CYP4B1: variants seen among roughly 807,000 people sequenced by gnomAD.
The protein encoded by CYP4B1 is cytochrome P450 family 4 subfamily B member 1, also known as cytochrome P450 4B1.
Under a neutral mutation model 54.0 loss-of-function variants are expected in CYP4B1, and 45 were observed. That is an observed-to-expected ratio of 0.83 (90% CI 0.66 to 1.07). The LOEUF (loss-of-function observed/expected upper bound fraction) is 1.07. Among genes scored for constraint, CYP4B1 ranks in the 50% least tolerant of loss-of-function variants. The pLI, the probability that CYP4B1 is intolerant of heterozygous loss-of-function variation, is 0.00. For missense variants in CYP4B1, 656 were observed against 655.4 expected, an observed-to-expected ratio of 1.00 and a Z score of -0.01; for synonymous variants, 248 against 247.5, an observed-to-expected ratio of 1.00 and a Z score of -0.02.
At position 46,810,817 on chromosome 1, in the gene CYP4B1, A is replaced by G. The variant is rs761418263; in HGVS notation, c.190A>G (p.Thr64Ala). ...LFGHALEIQE[T>A]GSLDKVVSWA... ...TCTGTCATCATTTCAGATCCAGGAG[A>G]CGGGGAGCCTGGACAAAGTGGTGTC... The change falls in exon 2 of 12, where the codon ACG becomes GCG. Residue 64 changes from threonine to alanine, a missense_variant. Transcript: ENST00000371923. 1.4e-5 allele frequency: 22 copies of G among 1,613,964 alleles called. 1 individual carries two copies. The highest frequency in any genetic ancestry group is 1.6e-4 in the Middle Eastern group (1 of 6,084).
In CYP4B1 at chr1:46,817,083, G is replaced by C. The variant is rs59694031; in HGVS notation, c.1109G>C (p.Cys370Ser). 3,623 of 1,614,120 alleles carry C rather than the reference G, an allele frequency of 2.2e-3. 88 individuals are homozygous for C. The African/African-American group carries it at 0.042, about 19-fold the overall frequency. ...GGCAAAATGACTTATCTGACCATGTGCATCAAGGAGAGCTTCCGCCTCTAC... is the reference window on the plus strand; with the variant it reads ...GGCAAAATGACTTATCTGACCATGTCCATCAAGGAGAGCTTCCGCCTCTAC... ...DLGKMTYLTMCIKESFRLYPP... is the reference protein window; with the variant it reads ...DLGKMTYLTMSIKESFRLYPP... The change falls in exon 9 of 12, where the codon TGC (cysteine) becomes TCC (serine). Residue 370 changes from cysteine to serine, a missense_variant. Coordinates refer to ENST00000371923, the MANE Select transcript of CYP4B1 (RefSeq NM_001099772.2).
At chr1:46,807,246 T>C (rs1678897112) in intron 1 of CYP4B1, among the ~76,000 whole-genome samples, 1 of 152,204 alleles carries the variant, frequency 6.6e-6, no homozygotes, top group African/African-American at 2.4e-5. Context: ...GTGGTCAGCA[T>C]GAGACCAGGG....
In CYP4B1 at chr1:46,818,902, C is replaced by T; in HGVS notation, c.*88C>T. On this transcript the variant is annotated 3_prime_UTR_variant, in exon 12 of 12. Transcript: ENST00000371923. The stretch of plus-strand genomic sequence containing the variant: ...AGGCTGGGTGTGGAGGAGTTGGGGC[C>T]CCCTGCCTTCAGGAGGCTTGTAGTT... The T allele has an allele frequency of 3.8e-6, 5 of 1,307,374 alleles. No homozygotes were observed. Among genetic ancestry groups the T allele is most frequent in the Non-Finnish European group, 5.3e-6 (5 of 936,212 alleles). The allele number at this position is 1,307,374 out of a possible 1,614,324, so 81.0% of individuals were successfully genotyped here. A position where few individuals can be genotyped will look rare whatever the true frequency, so the allele number is the denominator to read the frequency against.
At chr1:46,808,080 A>G (rs1013532650) in intron 1 of CYP4B1, among the ~76,000 whole-genome samples, 5 of 152,158 alleles carry the variant, frequency 3.3e-5, no homozygotes, top group Admixed American at 1.3e-4. Flanking sequence ...GGAAACTGCT[A>G]TTCATGAGGA....
Position 46,813,909 on chromosome 1 carries a change from C to A in CYP4B1, c.621C>A (p.Ser207Arg), listed in dbSNP as rs188313819. 20 of 1,614,034 alleles carry A rather than the reference C, an allele frequency of 1.2e-5. No individual in the cohort carries two copies. Among genetic ancestry groups the A allele is most frequent in the Middle Eastern group, 1.6e-4 (1 of 6,062 alleles). The change falls in exon 6 of 12, where the codon AGC (serine) becomes AGA (arginine). Residue 207 changes from serine to arginine, a missense_variant and splice_region_variant. Transcript: ENST00000371923. ...ATCCCTCCTCCTACCCTCTGCTTAG[C>A]AGGGACAGCAGCTACTACCTTGCAG... ...FGRGDTGLGH[S>R]RDSSYYLAVS... is the part of the protein sequence containing the mutation.
intron 11 of CYP4B1, 55 bp from the exon 12 acceptor site, chr1:46,818,576 T>A: frequency 6.5e-7 from 1 of 1,548,174 alleles, no homozygotes; most frequent in Non-Finnish European, 8.9e-7. Context: ...GAGCACTGAA[T>A]GTCATCACTC....
At chr1:46,815,756 C>T (rs891304028) in intron 8 of CYP4B1, among the ~76,000 whole-genome samples, 9 of 152,186 alleles carry the variant, frequency 5.9e-5, no homozygotes, top group Non-Finnish European at 1.5e-5. Context: ...TAAAAACTTT[C>T]CATTGTTTTC....
chr1:46,815,319 C>T, intron 8 of CYP4B1, 55 bp downstream of exon 8: 1 of 1,459,548 alleles, frequency 6.9e-7, no homozygotes, highest in Non-Finnish European at 9.2e-7. Context: ...AAGGGCGATG[C>T]CCATCCTGTC....
intron 9 of CYP4B1, 72 bp downstream of exon 9, chr1:46,817,253 C>A: frequency 6.3e-7 from 1 of 1,580,846 alleles, no homozygotes; most frequent in South Asian, 1.1e-5. Context: ...TGCCTTTAGT[C>A]AAATCTTTGC....
Position 46,815,265 on chromosome 1 carries a change from G to A in CYP4B1, c.1073+1G>A. 6.4e-7 allele frequency: 1 copy of A among 1,556,834 alleles called. No individual in the cohort carries two copies. Among genetic ancestry groups the A allele is most frequent in the Non-Finnish European group, 8.7e-7 (1 of 1,149,602 alleles). On this transcript the variant is annotated splice_donor_variant, in intron 8 of 11. Transcript: ENST00000371923. LOFTEE classifies it high-confidence loss of function. ...TAGGGGACCAGGACTTCTTCCAGTG[G>A]TGAGTCTGAGGGTGGGCCCGGTTTA...
intron 2 of CYP4B1, 27 bp from the exon 3 acceptor site, chr1:46,811,113 G>C: frequency 6.2e-7 from 1 of 1,614,020 alleles, no homozygotes. Flanking sequence ...CCGGGTCCCT[G>C]CTTGACCTGA....
intron 1 of CYP4B1, among the ~76,000 whole-genome samples, 159 bp from the exon 2 acceptor site, chr1:46,810,649 G>A (rs773473642): frequency 1.3e-5 from 2 of 152,148 alleles, no homozygotes; most frequent in Non-Finnish European, 2.9e-5. Context: ...CTGGAGAGGG[G>A]ACTAAGCCCA....
In CYP4B1 at chr1:46,815,162, G is replaced by T. The variant is rs764596873; in HGVS notation, c.971G>T (p.Gly324Val). 3 of 1,614,052 alleles carry T rather than the reference G, an allele frequency of 1.9e-6. No individual in the cohort carries two copies. Among genetic ancestry groups the T allele is most frequent in the East Asian group, 4.5e-5 (2 of 44,898 alleles). ...GAAGGCCATGACACCACCACCAGTG[G>T]TATCTCCTGGTTTCTCTACTGCATG... ...MFEGHDTTTS[G>V]ISWFLYCMAL... Residue 324 changes from glycine to valine, a missense_variant, in exon 8 of 12, where the codon GGT (glycine) becomes GTT (valine). Physicochemically the swap from Gly to Val is moderately radical, Grantham distance 109. Coordinates refer to ENST00000371923, the MANE Select transcript of CYP4B1 (RefSeq NM_001099772.2).
chr1:46,813,877 T>C, intron 5 of CYP4B1, 32 bp from the exon 6 acceptor site: 1 of 1,609,170 alleles, frequency 6.2e-7, no homozygotes, highest in Non-Finnish European at 8.5e-7. Flanking sequence ...GGCCAGTGTC[T>C]AAGCCAATCC....
intron 7 of CYP4B1, chr1:46,814,778 C>T (rs1050021240): frequency 8.2e-5 from 36 of 436,416 alleles, no homozygotes; most frequent in Non-Finnish European, 2.5e-5. Flanking sequence ...AGATGTTGAC[C>T]AAAATGTCTT....
intron 11 of CYP4B1, 112 bp from the exon 12 acceptor site, chr1:46,818,519 G>T: frequency 1.8e-6 from 2 of 1,136,088 alleles, no homozygotes. Context: ...CAATCTATCA[G>T]CCAGTTATTC....
At chr1:46,808,770 C>T (rs953860097) in intron 1 of CYP4B1, among the ~76,000 whole-genome samples, 6 of 151,338 alleles carry the variant, frequency 4.0e-5, no homozygotes, top group Admixed American at 4.0e-4. Context: ...ACATATACAC[C>T]ATGGAATACT....
intron 1 of CYP4B1, among the ~76,000 whole-genome samples, chr1:46,809,726 T>G (rs1000173695): frequency 6.6e-6 from 1 of 152,242 alleles, no homozygotes; most frequent in Non-Finnish European, 1.5e-5. Flanking sequence ...CTAGGAGTGT[T>G]AAGTGTATCT....
At chr1:46,811,252 G>A (rs1295540590) in intron 3 of CYP4B1, 68 bp downstream of exon 3, 1 of 1,515,826 alleles carries the variant, frequency 6.6e-7, no homozygotes, top group East Asian at 2.3e-5. Flanking sequence ...CTAGGATCCT[G>A]GCCTGTCCCA....
Sources: allele counts gnomAD v4.1 joint callset (sites outside exome capture counted in the v4.1 genomes callset), GRCh38; gene constraint gnomAD v4.1.1; transcripts MANE v1.5; gene names NCBI Gene and HGNC (gene_info 2026-07-23, HGNC 2026-07-21).